The following GLDC variants were observed in gnomAD, a reference collection of about 807,000 sequenced individuals.
GLDC encodes glycine decarboxylase.
Under a neutral mutation model 121.3 loss-of-function variants are expected in GLDC, and 104 were observed. That is an observed-to-expected ratio of 0.86 (90% CI 0.73 to 1.01). The LOEUF is 1.01. Among genes scored for constraint, GLDC ranks in the 50% least tolerant of loss-of-function variants. The pLI, the probability that GLDC is intolerant of heterozygous loss-of-function variation, is 0.00. For missense variants in GLDC, 1,429 were observed against 1,306.6 expected, an observed-to-expected ratio of 1.09 and a Z score of -1.44; for synonymous variants, 546 against 480.6, an observed-to-expected ratio of 1.14 and a Z score of -1.78.
At chr9:6,548,515 G>T (rs1817443526) in intron 21 of GLDC, among the ~76,000 whole-genome samples, 1 of 152,084 alleles carries the variant, frequency 6.6e-6, no homozygotes, top group Non-Finnish European at 1.5e-5. Context: ...AGCACTTCTG[G>T]TTATTTGGTC....
At chr9:6,573,443 A>T (rs143555766) in intron 15 of GLDC, among the ~76,000 whole-genome samples, 1 of 152,300 alleles carries the variant, frequency 6.6e-6, no homozygotes, top group Admixed American at 6.5e-5. Context: ...CCTGGGCAAC[A>T]GAGCAAGACT....
At chr9:6,639,957 A>G (rs1189781551) in intron 2 of GLDC, among the ~76,000 whole-genome samples, 2 of 152,086 alleles carry the variant, frequency 1.3e-5, no homozygotes, top group Non-Finnish European at 2.9e-5. Context: ...TAGCTTCCCT[A>G]ATTTTTGTCC....
chr9:6,538,592 A>G (rs555231860), intron 22 of GLDC, among the ~76,000 whole-genome samples: 11 of 152,324 alleles, frequency 7.2e-5, no homozygotes, highest in East Asian at 3.9e-4. Flanking sequence ...GCACCTGGAC[A>G]ATTCTGGGCT....
rs151163582 is a variant in GLDC, at chr9:6,592,935, C to A, written c.1317G>T (p.Lys439Asn). 2 of 1,614,026 alleles carry A rather than the reference C, an allele frequency of 1.2e-6. No individual in the cohort carries two copies. The highest frequency in any genetic ancestry group is 2.7e-5 in the African/African-American group (2 of 74,940). The change falls in exon 10 of 25, where the codon AAG (lysine) becomes AAT (asparagine). Residue 439 changes from lysine (K) to asparagine (N), a missense_variant. Transcript: ENST00000321612. ...LQHDLFFDTLKIQCGCSVKEV... is the reference protein window; with the variant it reads ...LQHDLFFDTLNIQCGCSVKEV... ...CCTTCACTGAGCAGCCACACTGAAT[C>A]TTCAAGGTATCAAAGAACAGGTCAT...
chr9:6,588,766 T>C, intron 12 of GLDC, 64 bp from the exon 13 acceptor site: 1 of 958,456 alleles, frequency 1.0e-6, no homozygotes. Flanking sequence ...CACATCCTCC[T>C]GACATATAAG....
intron 22 of GLDC, among the ~76,000 whole-genome samples, chr9:6,539,529 T>C (rs908026631): frequency 1.3e-5 from 2 of 152,176 alleles, no homozygotes; most frequent in African/African-American, 2.4e-5. Context: ...ATTAATAACA[T>C]TGTTCACTAG....
chr9:6,624,446 A>G (rs1051486047), intron 2 of GLDC, among the ~76,000 whole-genome samples: 1 of 152,198 alleles, frequency 6.6e-6, no homozygotes, highest in Non-Finnish European at 1.5e-5. Flanking sequence ...CAATGTATCC[A>G]CAGGCCAAGG....
intron 2 of GLDC, among the ~76,000 whole-genome samples, chr9:6,642,907 CTT>C (rs141406287): frequency 6.7e-6 from 1 of 148,286 alleles, no homozygotes; most frequent in African/African-American, 2.5e-5. Context: ...CTTCCTTTCT[CTT>C]TTTTTTTTAG....
At chr9:6,622,574 C>T (rs528939376) in intron 2 of GLDC, among the ~76,000 whole-genome samples, 13 of 152,232 alleles carry the variant, frequency 8.5e-5, no homozygotes, top group Non-Finnish European at 1.2e-4. Flanking sequence ...AGTGCAGTGG[C>T]GTGATCTCGG....
At chr9:6,598,560 G>A (rs1197651107) in intron 8 of GLDC, among the ~76,000 whole-genome samples, 1 of 152,146 alleles carries the variant, frequency 6.6e-6, no homozygotes, top group Non-Finnish European at 1.5e-5. Context: ...ACAGAAGGCG[G>A]GGGTCAAAGA....
At chr9:6,596,375 C>A (rs779263542) in intron 8 of GLDC, among the ~76,000 whole-genome samples, 21 of 151,766 alleles carry the variant, frequency 1.4e-4, no homozygotes, top group Non-Finnish European at 2.2e-4. Flanking sequence ...ACTAGAATAT[C>A]AAAAGAAGAA....
chr9:6,605,205 A>G lies in GLDC; in HGVS notation c.787T>C (p.Leu263=), dbSNP rs1322312349. The change falls in exon 6 of 25, where the codon TTG becomes CTG. Residue 263 remains leucine, a synonymous_variant. Coordinates refer to ENST00000321612, the MANE Select transcript of GLDC (RefSeq NM_000170.3). ...DFSGKDVSGV[L]FQYPDTEGKV... ...CCCTCCGTGTCTGGGTACTGGAACA[A>G]CACTCCACTGACATCTTTTCCACTG... is the stretch of plus-strand genomic sequence containing the variant. 1.2e-6 allele frequency: 2 copies of G among 1,613,518 alleles called. No homozygotes were observed. Among genetic ancestry groups the G allele is most frequent in the African/African-American group, 2.7e-5 (2 of 74,876 alleles).
chr9:6,618,504 T>C (rs1261204548), intron 3 of GLDC, among the ~76,000 whole-genome samples: 1 of 152,020 alleles, frequency 6.6e-6, no homozygotes, highest in Non-Finnish European at 1.5e-5. Context: ...ACAGGGTTTT[T>C]CCATGTTGGT....
intron 21 of GLDC, among the ~76,000 whole-genome samples, chr9:6,544,290 A>G (rs977689993): frequency 6.6e-6 from 1 of 152,090 alleles, no homozygotes; most frequent in Non-Finnish European, 1.5e-5. Context: ...TTGTGAGCCA[A>G]GGATGTGAGG....
intron 15 of GLDC, among the ~76,000 whole-genome samples, chr9:6,586,587 C>T (rs1311368966): frequency 1.3e-5 from 2 of 152,228 alleles, no homozygotes; most frequent in African/African-American, 4.8e-5. Flanking sequence ...TGGAATTCAG[C>T]ATGTGTGCTT....
intron 3 of GLDC, among the ~76,000 whole-genome samples, chr9:6,614,257 CAG>C (rs1263793134): frequency 2.0e-5 from 3 of 151,058 alleles, no homozygotes; most frequent in Admixed American, 1.3e-4. Context: ...TTTTTTGAGA[CAG>C]AGTCTTGCTC....
At position 6,538,797 on chromosome 9, in the gene GLDC, G is replaced by C. The variant is rs561116859; in HGVS notation, c.2665+1254C>G. 2.6e-5 allele frequency among the ~76,000 whole-genome samples: 4 copies of C among 152,344 alleles called. No homozygotes were observed. The South Asian group carries it at 8.3e-4, about 32-fold the overall frequency. ...ATCCACAAAGTGAGTGTGTTTTCCTGAGTCGGCCATTACCCAATCGCTAGC... is the reference window on the plus strand; with the variant it reads ...ATCCACAAAGTGAGTGTGTTTTCCTCAGTCGGCCATTACCCAATCGCTAGC... On this transcript the variant is annotated intron_variant, in intron 22 of 24. Coordinates refer to ENST00000321612, the MANE Select transcript of GLDC (RefSeq NM_000170.3).
chr9:6,630,911 C>T (rs1391568940), intron 2 of GLDC, among the ~76,000 whole-genome samples: 1 of 152,338 alleles, frequency 6.6e-6, no homozygotes, highest in South Asian at 2.1e-4. Flanking sequence ...AGAGCCAACT[C>T]CCTGTTACTT....
chr9:6,604,769 C>A lies in GLDC; in HGVS notation c.877G>T (p.Ala293Ser). 6.2e-7 allele frequency: 1 copy of A among 1,613,920 alleles called. No homozygotes were observed. The highest frequency in any genetic ancestry group is 8.5e-7 in the Non-Finnish European group (1 of 1,179,802). ...AHQSGSLACCATDLLALCILR... is the reference protein window; with the variant it reads ...AHQSGSLACCSTDLLALCILR... ...ATGCACAAAGCTAAAAGGTCAGTAG[C>A]ACAGCAGGCCAGGCTCTAGAAAGGA... The change falls in exon 7 of 25, where the codon GCT becomes TCT. Residue 293 changes from alanine to serine, a missense_variant. Physicochemically the swap from Ala to Ser is moderately conservative, Grantham distance 99. Coordinates refer to ENST00000321612, the MANE Select transcript of GLDC (RefSeq NM_000170.3).
Sources: gnomAD v4.1 joint callset for allele counts (sites outside exome capture counted in the v4.1 genomes callset) on GRCh38, gnomAD v4.1.1 for gene constraint, MANE v1.5 for transcripts, NCBI Gene and HGNC (gene_info 2026-07-23, HGNC 2026-07-21) for gene names.